PIWIL2: variants seen among roughly 807,000 people sequenced by gnomAD.
PIWIL2 encodes the protein piwi-like protein 2.
Under a neutral mutation model 116.5 loss-of-function variants are expected in PIWIL2, and 81 were observed. The observed-to-expected ratio is 0.70, with a 90% CI of 0.58 to 0.84. The LOEUF (loss-of-function observed/expected upper bound fraction) is 0.84, where lower values mean the gene tolerates loss of function less well. Ranked by LOEUF, PIWIL2 falls within the 40% of genes least tolerant of loss-of-function variation. PIWIL2 has a pLI of 0.00. For synonymous variants in PIWIL2, 489 were observed against 429.5 expected, an observed-to-expected ratio of 1.14 and a Z score of -1.71; for missense variants, 1,272 against 1,212.3, an observed-to-expected ratio of 1.05 and a Z score of -0.73.
chr8:22,294,129 G>T (rs1586547060), intron 10 of PIWIL2, among the ~76,000 whole-genome samples: 1 of 151,162 alleles, frequency 6.6e-6, no homozygotes, highest in South Asian at 2.1e-4. Flanking sequence ...GTTGAGGTCA[G>T]CAGTTCAAGA....
At chr8:22,308,149 TGTC>T (rs1831234716) in intron 14 of PIWIL2, 76 bp downstream of exon 14, 3 of 1,264,934 alleles carry the variant, frequency 2.4e-6, no homozygotes, top group African/African-American at 3.0e-5. Context: ...TTCCTTTTGT[TGTC>T]AGTATATTTT....
intron 10 of PIWIL2, among the ~76,000 whole-genome samples, chr8:22,291,769 G>A (rs554975910): frequency 3.7e-4 from 56 of 152,164 alleles, no homozygotes; most frequent in South Asian, 8.3e-4. Flanking sequence ...TTATGAACCA[G>A]AGTCTTAGGA....
intron 14 of PIWIL2, among the ~76,000 whole-genome samples, chr8:22,309,207 G>T (rs963498164): frequency 1.3e-5 from 2 of 150,926 alleles, no homozygotes. Flanking sequence ...TGATCCACCC[G>T]CCTTGGCCTC....
At chr8:22,316,516 CTG>C (rs1426841034) in intron 19 of PIWIL2, among the ~76,000 whole-genome samples, 183 bp downstream of exon 19, 4 of 151,954 alleles carry the variant, frequency 2.6e-5, no homozygotes, top group Non-Finnish European at 5.9e-5. Context: ...GAGTCTCCCT[CTG>C]TCACCCAGGC....
rs777639388 is a variant in PIWIL2, at chr8:22,281,402, G to C, written c.312G>C (p.Leu104Phe). The change falls in exon 4 of 23, where the codon TTG becomes TTC. Residue 104 changes from leucine (L) to phenylalanine (F), a missense_variant. Physicochemically the swap from Leu to Phe is conservative, Grantham distance 22 (BLOSUM62 0). Coordinates refer to ENST00000356766, the MANE Select transcript of PIWIL2 (RefSeq NM_018068.5). ...GTAGAGGCATTTTAGGTCGAGGCTT[G>C]TCTGCTAATCTGGTACGCAAGGACA... ...PSGRGILGRG[L>F]SANLVRKDRE... is the part of the protein sequence containing the mutation. The C allele has an allele frequency of 6.2e-7, 1 of 1,609,344 alleles. No homozygotes were observed. The highest frequency in any genetic ancestry group is 1.7e-5 in the Admixed American group (1 of 58,222).
chr8:22,283,045 G>T lies in PIWIL2; in HGVS notation c.437G>T (p.Arg146Ile). The change falls in exon 5 of 23, where the codon AGA becomes ATA. Residue 146 changes from arginine to isoleucine, a missense_variant. Arg to Ile is a moderately conservative substitution (Grantham distance 97). Transcript: ENST00000356766. The part of the protein sequence containing the change: ...TSVGWSRTLG[R>I]GSSDASLLPL... Reference sequence around the variant, plus strand: ...TCTCCACATTTCAGGACGCTTGGAAGAGGGAGTTCAGATGCGTCTTTATTA... The same window carrying T: ...TCTCCACATTTCAGGACGCTTGGAATAGGGAGTTCAGATGCGTCTTTATTA... The T allele has an allele frequency of 6.2e-7, 1 of 1,614,018 alleles. No individual in the cohort carries two copies. Among genetic ancestry groups the T allele is most frequent in the South Asian group, 1.1e-5 (1 of 91,072 alleles).
At chr8:22,322,600 C>T (rs1031707148) in intron 20 of PIWIL2, among the ~76,000 whole-genome samples, 3 of 151,048 alleles carry the variant, frequency 2.0e-5, no homozygotes, top group Non-Finnish European at 2.9e-5. Context: ...CGTCCTGTCC[C>T]GTCCCATCCC....
intron 20 of PIWIL2, chr8:22,352,678 C>A: frequency 3.0e-6 from 1 of 331,738 alleles, no homozygotes; most frequent in Non-Finnish European, 5.5e-6. Context: ...ACTTTGTTTG[C>A]ATTGTTTGTG....
At chr8:22,295,011 G>T (rs1405151918) in intron 10 of PIWIL2, among the ~76,000 whole-genome samples, 1 of 151,826 alleles carries the variant, frequency 6.6e-6, no homozygotes, top group Non-Finnish European at 1.5e-5. Context: ...CCTGGGAGGT[G>T]GAGGTTGCAG....
intron 10 of PIWIL2, among the ~76,000 whole-genome samples, chr8:22,303,322 A>G (rs1452914276): frequency 6.6e-6 from 1 of 152,222 alleles, no homozygotes; most frequent in East Asian, 1.9e-4. Context: ...TTTGTACATG[A>G]GACTCTATGT....
rs1205023799 is a variant in PIWIL2 at position 22,283,081 on chromosome 8, G to C, written c.473G>C (p.Arg158Thr). The change falls in exon 5 of 23, where the codon AGA (arginine) becomes ACA (threonine). Residue 158 changes from arginine (R) to threonine (T), a missense_variant. Coordinates refer to ENST00000356766, the MANE Select transcript of PIWIL2 (RefSeq NM_018068.5). ...SSDASLLPLG[R>T]AAGGISREVD... ...GATGCGTCTTTATTACCACTGGGAAGAGCAGCAGGTGGTATCAGCAGAGAA... is the reference window on the plus strand; with the variant it reads ...GATGCGTCTTTATTACCACTGGGAACAGCAGCAGGTGGTATCAGCAGAGAA... 16 of 1,614,190 alleles carry C rather than the reference G, an allele frequency of 9.9e-6. No homozygotes were observed. The highest frequency in any genetic ancestry group is 1.3e-5 in the Non-Finnish European group (15 of 1,180,022).
intron 8 of PIWIL2, among the ~76,000 whole-genome samples, chr8:22,289,226 C>T (rs1474853268): frequency 1.3e-5 from 2 of 150,476 alleles, no homozygotes; most frequent in African/African-American, 4.9e-5. Flanking sequence ...AATCCCGGCT[C>T]ACTGCAACCT....
rs747620534 is a variant in PIWIL2, at chr8:22,306,031, T to G, written c.1545+15T>G. 5.0e-6 allele frequency: 8 copies of G among 1,588,078 alleles called. No homozygotes were observed. The Admixed American group carries it at 1.3e-4, about 26-fold the overall frequency. ...GAGCCATGAAGGTTGGAGTCCTGTG[T>G]TTTCAGCCGGAAATGCCCACTTTGT... On this transcript the variant is annotated intron_variant, in intron 13 of 22. Transcript: ENST00000356766.
In PIWIL2 at chr8:22,299,887, A is replaced by T. The variant is rs981978466; in HGVS notation, c.1182-4134A>T. Among the ~76,000 whole-genome samples, 4 of 152,016 alleles carry T rather than the reference A, an allele frequency of 2.6e-5. No homozygotes were observed. In the East Asian group the frequency reaches 7.7e-4, roughly 29 times the overall value. On this transcript the variant is annotated intron_variant, in intron 10 of 22. Coordinates refer to ENST00000356766, the MANE Select transcript of PIWIL2 (RefSeq NM_018068.5). Reference sequence around the variant, plus strand: ...ATTTTTCTGCATTTTCTAGAATTTTATATACATGGAATCGCTATGTTCTTG... The same window carrying T: ...ATTTTTCTGCATTTTCTAGAATTTTTTATACATGGAATCGCTATGTTCTTG...
At chr8:22,306,230 C>A (rs1238457798) in intron 13 of PIWIL2, among the ~76,000 whole-genome samples, 1 of 152,166 alleles carries the variant, frequency 6.6e-6, no homozygotes, top group Non-Finnish European at 1.5e-5. Flanking sequence ...TCAGAACTTC[C>A]TTTTGAAGGT....
Position 22,330,368 on chromosome 8 carries a change from A to G in PIWIL2, c.2403+12093A>G, listed in dbSNP as rs537030021. The stretch of plus-strand genomic sequence containing the variant: ...TTCTCATACTTTCGTTAAGGTCTTA[A>G]GACATGGTTTCCTTTAGTTCTTTGA... On this transcript the variant is annotated intron_variant, in intron 20 of 22. Coordinates refer to ENST00000356766, the MANE Select transcript of PIWIL2 (RefSeq NM_018068.5). 2.0e-5 allele frequency among the ~76,000 whole-genome samples: 3 copies of G among 152,272 alleles called. No individual in the cohort carries two copies. The South Asian group carries it at 6.2e-4, about 32-fold the overall frequency.
At chr8:22,281,005 T>C in intron 2 of PIWIL2, 115 bp from the exon 3 acceptor site, 1 of 626,866 alleles carries the variant, frequency 1.6e-6, no homozygotes. Context: ...TTCCCTTTAT[T>C]CTTATAACAT....
chr8:22,308,032 C>A lies in PIWIL2; in HGVS notation c.1645C>A (p.Leu549Met), dbSNP rs532611487. ...AAAGAACGAGGCAGCCACCAATGAA[C>A]TGATGCGTTGGGGGCTCCGTCTGCA... is the stretch of plus-strand genomic sequence containing the variant. The part of the protein sequence containing the change: ...IAKNEAATNE[L>M]MRWGLRLQKD... The change falls in exon 14 of 23, where the codon CTG (leucine) becomes ATG (methionine). Residue 549 changes from leucine (L) to methionine (M), a missense_variant. By Grantham distance (15) the Leu-to-Met change is conservative. Coordinates refer to ENST00000356766, the MANE Select transcript of PIWIL2 (RefSeq NM_018068.5). 1 of 1,613,998 alleles carries A rather than the reference C, an allele frequency of 6.2e-7. No individual in the cohort carries two copies. Among genetic ancestry groups the A allele is most frequent in the Non-Finnish European group, 8.5e-7 (1 of 1,179,948 alleles).
At chr8:22,281,267 C>T in intron 3 of PIWIL2, 60 bp downstream of exon 3, 1 of 1,544,386 alleles carries the variant, frequency 6.5e-7, no homozygotes, top group South Asian at 1.2e-5. Context: ...CTTCTAAAAT[C>T]CAAATGGTTT....
Sources: gnomAD v4.1 joint callset for allele counts (sites outside exome capture counted in the v4.1 genomes callset) on GRCh38, gnomAD v4.1.1 for gene constraint, MANE v1.5 for transcripts, NCBI Gene and HGNC (gene_info 2026-07-23, HGNC 2026-07-21) for gene names.